The following DHRS4L2 variants were observed in gnomAD, a reference collection of about 807,000 sequenced individuals.
DHRS4L2 encodes dehydrogenase/reductase SDR family member 4-like 2.
A neutral mutation model predicts 23.9 loss-of-function variants in DHRS4L2; 22 were observed. That is an observed-to-expected ratio of 0.92 (90% confidence interval 0.66 to 1.31). The LOEUF (loss-of-function observed/expected upper bound fraction) is 1.31. Ranked by LOEUF, DHRS4L2 falls within the 40% of genes most tolerant of loss-of-function variation. The pLI, the probability that DHRS4L2 is intolerant of heterozygous loss-of-function variation, is 0.00. For missense variants in DHRS4L2, 385 were observed against 303.3 expected (o/e 1.27, Z -2.00); for synonymous variants, 141 against 123.7 (o/e 1.14, Z -0.93).
At chr14:23,989,767 A>G (rs72692116) in intron 1 of DHRS4L2, among the ~76,000 whole-genome samples, 3,390 of 151,904 alleles carry the variant, frequency 0.022, 116 homozygotes, top group Middle Eastern at 0.054. Context: ...CACCCCAAAA[A>G]ATAATTATGG....
intron 1 of DHRS4L2, among the ~76,000 whole-genome samples, chr14:23,989,816 A>T (rs534302437): frequency 6.6e-6 from 1 of 151,862 alleles, no homozygotes; most frequent in Admixed American, 6.6e-5. Context: ...TAAGAAAGAA[A>T]CCTGGCGGCA....
In DHRS4L2 at chr14:24,000,943, G is replaced by A. The variant is rs753061153; in HGVS notation, c.479+10G>A. 1.2e-6 allele frequency: 2 copies of A among 1,611,330 alleles called. No homozygotes were observed. The highest frequency in any genetic ancestry group is 1.7e-6 in the Non-Finnish European group (2 of 1,179,462). ...AAATGGAGAAACGAGGGTACAGAGA[G>A]TGAGAGAGAGCCTGGGTGAGAGGGG... On this transcript the variant is annotated intron_variant, in intron 4 of 7. Transcript: ENST00000335125.
At chr14:23,988,877 C>G (rs867035929), upstream of DHRS4L2, 2 of 1,558,192 alleles carry the variant, frequency 1.3e-6, no homozygotes, top group South Asian at 2.3e-5. Context: ...GCCCGCCCTT[C>G]GTCCTGCCCC....
chr14:23,994,975 T>A, intron 2 of DHRS4L2, 57 bp from the exon 3 acceptor site: 1 of 1,599,790 alleles, frequency 6.3e-7, no homozygotes, highest in Non-Finnish European at 8.6e-7. Flanking sequence ...TCAACATGGG[T>A]AAATGCACCT....
intron 6 of DHRS4L2, among the ~76,000 whole-genome samples, chr14:24,001,893 TC>T (rs1162795586): frequency 1.1e-5 from 1 of 90,922 alleles, no homozygotes; most frequent in Non-Finnish European, 1.8e-5. Flanking sequence ...TCTCACCCCA[TC>T]CCTCCTCTCA....
intron 1 of DHRS4L2, 74 bp downstream of exon 1, chr14:23,989,149 C>T: frequency 3.9e-6 from 6 of 1,533,826 alleles, no homozygotes; most frequent in Non-Finnish European, 5.3e-6. Context: ...CCTTTGCCTC[C>T]AGTGCCCCTG....
chr14:24,004,225 C>G (rs1220510690), intron 6 of DHRS4L2, 112 bp from the exon 7 acceptor site: 5 of 1,315,336 alleles, frequency 3.8e-6, no homozygotes, highest in African/African-American at 3.6e-5. Context: ...GCCAAGATAG[C>G]GCCACTACAG....
At chr14:23,998,850 A>C (rs201322098) in intron 3 of DHRS4L2, among the ~76,000 whole-genome samples, 9,636 of 133,216 alleles carry the variant, frequency 0.072, 106 homozygotes, top group Middle Eastern at 0.13. Flanking sequence ...TTTCCTTTGC[A>C]TTCACAATTT....
upstream of DHRS4L2, among the ~76,000 whole-genome samples, chr14:23,987,818 G>C (rs1399110980): frequency 8.6e-5 from 13 of 151,848 alleles, 1 homozygote; most frequent in Non-Finnish European, 1.9e-4. Context: ...TCTCAGTCTG[G>C]CTTTGGAGGC....
chr14:23,996,677 G>A (rs1283561069), intron 3 of DHRS4L2, among the ~76,000 whole-genome samples: 2 of 131,708 alleles, frequency 1.5e-5, no homozygotes, highest in Non-Finnish European at 3.1e-5. Flanking sequence ...CCCTCGCTGT[G>A]TCATTGAGGC....
chr14:23,985,686 A>G (rs2034126656), upstream of DHRS4L2, among the ~76,000 whole-genome samples: 1 of 151,558 alleles, frequency 6.6e-6, no homozygotes. Context: ...ATATGTATGT[A>G]TTTCCCTGAA....
intron 1 of DHRS4L2, among the ~76,000 whole-genome samples, chr14:23,971,137 A>T (rs1286555924): frequency 1.3e-5 from 2 of 152,134 alleles, no homozygotes; most frequent in Non-Finnish European, 2.9e-5. Flanking sequence ...ACAAAACTGG[A>T]TGGAGAATAA....
In DHRS4L2 at chr14:24,000,890, G is replaced by A; in HGVS notation, c.436G>A (p.Ala146Thr). ...TCTGGACATTAATGTGAAGGCCCCA[G>A]CCCTGATGACAAAGGCAGTGGTGCC... ...KTLDINVKAP[A>T]LMTKAVVPEM... The change falls in exon 4 of 8, where the codon GCC (alanine) becomes ACC (threonine). Residue 146 changes from alanine (A) to threonine (T), a missense_variant. Coordinates refer to ENST00000335125, the MANE Select transcript of DHRS4L2 (RefSeq NM_198083.4). 1.2e-6 allele frequency: 2 copies of A among 1,610,860 alleles called. No homozygotes were observed. Among genetic ancestry groups the A allele is most frequent in the Non-Finnish European group, 1.7e-6 (2 of 1,178,946 alleles).
At chr14:23,991,299 C>T (rs1278905003) in intron 2 of DHRS4L2, among the ~76,000 whole-genome samples, 1 of 151,610 alleles carries the variant, frequency 6.6e-6, no homozygotes, top group Admixed American at 6.6e-5. Context: ...AATATGAGTC[C>T]AAGAAAGTCA....
chr14:23,992,063 CCTTAAAAGGATATGGCCT>C (rs2034281930), intron 2 of DHRS4L2, among the ~76,000 whole-genome samples: 1 of 151,544 alleles, frequency 6.6e-6, no homozygotes, highest in African/African-American at 2.4e-5. Flanking sequence ...ACGTTAAGGA[CCTTAAAAGGATATGGCCT>C]CTTAAAAGGA....
Position 24,000,904 on chromosome 14 carries a change from G to A in DHRS4L2, c.450G>A (p.Lys150=), listed in dbSNP as rs369877396. The A allele has an allele frequency of 1.9e-6, 3 of 1,610,980 alleles. No homozygotes were observed. Among genetic ancestry groups the A allele is most frequent in the Non-Finnish European group, 2.5e-6 (3 of 1,179,262 alleles). The change falls in exon 4 of 8, where the codon AAG becomes AAA. Residue 150 remains lysine, a synonymous_variant. Transcript: ENST00000335125. ...TGAAGGCCCCAGCCCTGATGACAAAGGCAGTGGTGCCAGAAATGGAGAAAC... is the reference window on the plus strand; with the variant it reads ...TGAAGGCCCCAGCCCTGATGACAAAAGCAGTGGTGCCAGAAATGGAGAAAC... ...INVKAPALMT[K]AVVPEMEKRG...
chr14:23,989,197 A>G, intron 1 of DHRS4L2, 122 bp downstream of exon 1: 1 of 1,464,428 alleles, frequency 6.8e-7, no homozygotes, highest in Non-Finnish European at 9.1e-7. Flanking sequence ...CTGGCCATGG[A>G]AAAAAAGTAG....
chr14:23,976,395 C>T (rs2033964944), intron 1 of DHRS4L2, among the ~76,000 whole-genome samples: 1 of 151,826 alleles, frequency 6.6e-6, no homozygotes, highest in Non-Finnish European at 1.5e-5. Flanking sequence ...CAAAGCAAAA[C>T]CACAATGAGA....
Position 23,974,522 on chromosome 14 carries a change from A to G in DHRS4L2, c.-176+4190A>G, listed in dbSNP as rs150518817. 2.4e-4 allele frequency among the ~76,000 whole-genome samples: 37 copies of G among 151,886 alleles called. No homozygotes were observed. In the East Asian group the frequency reaches 7.1e-3, roughly 29 times the overall value. ...GCTAGCAAGACTAATAAGGAAGAAA[A>G]GAGAGAAGAGTCAAATAGACACAAT... On this transcript the variant is annotated intron_variant, in intron 1 of 5. Coordinates refer to the DHRS4L2 transcript ENST00000534993.
Sources: allele counts gnomAD v4.1 joint callset (sites outside exome capture counted in the v4.1 genomes callset), GRCh38; gene constraint gnomAD v4.1.1; transcripts MANE v1.5; gene names NCBI Gene and HGNC (gene_info 2026-07-23, HGNC 2026-07-21).